The following PAFAH1B2 variants were observed in gnomAD, a reference collection of about 807,000 sequenced individuals.
PAFAH1B2 encodes platelet-activating factor acetylhydrolase IB subunit alpha2.
Under a neutral mutation model 28.0 loss-of-function variants are expected in PAFAH1B2, and 8 were observed. The ratio of observed to expected loss-of-function variants is 0.29; its 90% CI spans 0.17 to 0.52. PAFAH1B2 has a LOEUF of 0.52. PAFAH1B2 is among the 20% of genes least tolerant of loss of function. PAFAH1B2 has a pLI of 0.97. For synonymous variants in PAFAH1B2, 104 were observed against 103.2 expected, an observed-to-expected ratio of 1.01 and a Z score of -0.05; for missense variants, 190 against 282.6, an observed-to-expected ratio of 0.67 and a Z score of 2.35.
intron 3 of PAFAH1B2, 66 bp from the exon 4 acceptor site, chr11:117,161,079 T>C (rs982238964): frequency 3.0e-5 from 29 of 959,072 alleles, no homozygotes; most frequent in South Asian, 3.0e-4. Context: ...TTGCAACACA[T>C]TGCAGTCGAA....
intron 5 of PAFAH1B2, among the ~76,000 whole-genome samples, chr11:117,165,249 G>A (rs1956479631): frequency 6.6e-6 from 1 of 150,954 alleles, no homozygotes; most frequent in African/African-American, 2.4e-5. Context: ...ATCACGCCTG[G>A]CTGAAGCAGA....
chr11:117,155,488 G>A (rs1956237657), intron 2 of PAFAH1B2, among the ~76,000 whole-genome samples: 1 of 152,074 alleles, frequency 6.6e-6, no homozygotes, highest in Admixed American at 6.6e-5. Context: ...TTTCCAAAAA[G>A]TGTAAATTAA....
At chr11:117,176,423 T>C (rs2029987952) in exon 6 of PAFAH1B2, 1 of 215,060 alleles carries the variant, frequency 4.6e-6, no homozygotes, top group Non-Finnish European at 9.3e-6. Context: ...TAAGGTAAAA[T>C]AGTCTTCATT....
chr11:117,167,142 G>T (rs1224081193), intron 5 of PAFAH1B2, among the ~76,000 whole-genome samples: 2 of 152,046 alleles, frequency 1.3e-5, no homozygotes, highest in African/African-American at 4.8e-5. Context: ...ATGTAATTCT[G>T]AAGCTCTAGG....
At chr11:117,171,528 T>C, downstream of PAFAH1B2, 3 of 572,506 alleles carry the variant, frequency 5.2e-6, no homozygotes, top group Non-Finnish European at 9.5e-6. Flanking sequence ...AGAGCGAGAC[T>C]CTTGTCTCGG....
chr11:117,174,167 TGTG>T (rs1956730734), downstream of PAFAH1B2, among the ~76,000 whole-genome samples: 17 of 74,486 alleles, frequency 2.3e-4, no homozygotes, highest in African/African-American at 1.6e-3. Context: ...ATGTCTTTTG[TGTG>T]TGTGTGTGTG....
intron 1 of PAFAH1B2, among the ~76,000 whole-genome samples, chr11:117,150,671 T>C (rs559953816): frequency 3.0e-4 from 45 of 152,242 alleles, no homozygotes; most frequent in Non-Finnish European, 5.6e-4. Flanking sequence ...ATATGTATAT[T>C]GAATGAATAT....
chr11:117,166,370 C>T (rs1310680272), intron 5 of PAFAH1B2, among the ~76,000 whole-genome samples: 1 of 152,162 alleles, frequency 6.6e-6, no homozygotes, highest in Non-Finnish European at 1.5e-5. Flanking sequence ...CTCAATAAGC[C>T]TTCCATATTC....
chr11:117,145,182 A>T (rs1258003020), intron 1 of PAFAH1B2, among the ~76,000 whole-genome samples: 1 of 151,602 alleles, frequency 6.6e-6, no homozygotes, highest in Non-Finnish European at 1.5e-5. Context: ...GTTTGGGGGG[A>T]TGTTTTTTTC....
chr11:117,161,247 A>G lies in PAFAH1B2; in HGVS notation c.274A>G (p.Asn92Asp). 1 of 1,556,470 alleles carries G rather than the reference A, an allele frequency of 6.4e-7. No homozygotes were observed. Among genetic ancestry groups the G allele is most frequent in the Non-Finnish European group, 8.7e-7 (1 of 1,148,900 alleles). Residue 92 changes from asparagine (N) to aspartate (D), a missense_variant, in exon 4 of 6, where the codon AAT becomes GAT. By Grantham distance (23) the Asn-to-Asp change is conservative (BLOSUM62 1). Coordinates refer to ENST00000527958, the MANE Select transcript of PAFAH1B2 (RefSeq NM_002572.4). ...LWRLKNGELENIKPKVIVVWV... is the reference protein window; with the variant it reads ...LWRLKNGELEDIKPKVIVVWV... ...GAGACTAAAGAATGGAGAACTGGAGAATATTAAGCCTAAGGTGAAATGAAA... is the reference window on the plus strand; with the variant it reads ...GAGACTAAAGAATGGAGAACTGGAGGATATTAAGCCTAAGGTGAAATGAAA...
chr11:117,149,433 T>TTTTTTTTTGTTTTTTTG lies in PAFAH1B2; in HGVS notation c.-7-3000_-7-2999insGTTTTTTTGTTTTTTTT, dbSNP rs1205005410. On this transcript the variant is annotated intron_variant, in intron 1 of 5. Transcript: ENST00000527958. ...ATTTAAAAAAAGTTTTCTAATCGTT[T>TTTTTTTTTGTTTTTTTG]TTTTTTTTTTTGAGATGGAGTCTCG... Among the ~76,000 whole-genome samples, 16 of 113,018 alleles carry TTTTTTTTTGTTTTTTTG rather than the reference T, an allele frequency of 1.4e-4. 2 individuals are homozygous for TTTTTTTTTGTTTTTTTG. Among genetic ancestry groups the TTTTTTTTTGTTTTTTTG allele is most frequent in the African/African-American group, 4.9e-4 (15 of 30,374 alleles). 74.1% of individuals were successfully genotyped at this position (113,018 alleles called of 152,430 possible). A position where few individuals can be genotyped will look rare whatever the true frequency, so the allele number is the denominator to read the frequency against.
downstream of PAFAH1B2, among the ~76,000 whole-genome samples, chr11:117,177,776 T>G (rs964788694): frequency 6.6e-6 from 1 of 152,272 alleles, no homozygotes; most frequent in Admixed American, 6.5e-5. Context: ...CCTCAAGTGA[T>G]CTACCTGTCT....
rs778930747 is a variant in PAFAH1B2 at position 117,167,576 on chromosome 11, C to T, written c.567C>T (p.His189=). The T allele has an allele frequency of 9.3e-6, 15 of 1,612,688 alleles. No homozygotes were observed. In the South Asian group the frequency reaches 9.9e-5, roughly 11 times the overall value. Reference sequence around the variant, plus strand: ...ACTCGGACGGTGCCATCTCCTGCCACGACATGTTTGATTTTCTGCATCTGA... The same window carrying T: ...ACTCGGACGGTGCCATCTCCTGCCATGACATGTTTGATTTTCTGCATCTGA... ...FVHSDGAISC[H]DMFDFLHLTG... is the part of the protein sequence containing the mutation. The change falls in exon 6 of 6, where the codon CAC becomes CAT. Residue 189 remains histidine, a synonymous_variant. Coordinates refer to ENST00000527958, the MANE Select transcript of PAFAH1B2 (RefSeq NM_002572.4).
chr11:117,163,565 C>T (rs963887488), intron 4 of PAFAH1B2, among the ~76,000 whole-genome samples: 10 of 151,448 alleles, frequency 6.6e-5, no homozygotes, highest in Admixed American at 2.6e-4. Context: ...CCCAGCTACT[C>T]GGGAGGCTGA....
intron 1 of PAFAH1B2, among the ~76,000 whole-genome samples, chr11:117,147,138 A>G (rs1018320581): frequency 2.0e-5 from 3 of 152,056 alleles, no homozygotes; most frequent in African/African-American, 7.2e-5. Flanking sequence ...GCATGGTGGC[A>G]GGCACCTGTA....
In PAFAH1B2 at chr11:117,169,730, T is replaced by G. The variant is rs1003939231; in HGVS notation, c.*2031T>G. Reference sequence around the variant, plus strand: ...ATTTTTAGTAGCCCAGGTTGAGTTTTTCACAAGAGATTTTTTTCTTAGCTG... The same window carrying G: ...ATTTTTAGTAGCCCAGGTTGAGTTTGTCACAAGAGATTTTTTTCTTAGCTG... On this transcript the variant is annotated 3_prime_UTR_variant, in exon 6 of 6. Transcript: ENST00000527958. 2 of 1,058,228 alleles carry G rather than the reference T, an allele frequency of 1.9e-6. No individual in the cohort carries two copies. The highest frequency in any genetic ancestry group is 3.3e-5 in the African/African-American group (2 of 60,652). 65.6% of individuals were successfully genotyped at this position (1,058,228 alleles called of 1,614,324 possible).
chr11:117,151,699 T>G (rs1322483632), intron 1 of PAFAH1B2, among the ~76,000 whole-genome samples: 3 of 152,042 alleles, frequency 2.0e-5, no homozygotes, highest in African/African-American at 7.2e-5. Context: ...CAGTAGTAAT[T>G]CTGTAAGTGT....
chr11:117,148,198 T>C (rs1035650338), intron 1 of PAFAH1B2, among the ~76,000 whole-genome samples: 3 of 151,858 alleles, frequency 2.0e-5, no homozygotes, highest in African/African-American at 4.8e-5. Context: ...ATTACAAGTA[T>C]GTGCCACCCA....
Position 117,144,311 on chromosome 11 carries a change from G to C in PAFAH1B2, c.-115G>C. The C allele has an allele frequency of 5.0e-6, 2 of 396,452 alleles. No homozygotes were observed. Among genetic ancestry groups the C allele is most frequent in the South Asian group, 1.7e-5 (1 of 59,464 alleles). 24.6% of individuals were successfully genotyped at this position (396,452 alleles called of 1,614,324 possible). A position where few individuals can be genotyped will look rare whatever the true frequency, so the allele number is the denominator to read the frequency against. On this transcript the variant is annotated 5_prime_UTR_variant, in exon 1 of 6. Transcript: ENST00000527958. The stretch of plus-strand genomic sequence containing the variant: ...TGGAGGAGCTGCTGCTGGTGCTGGG[G>C]CCGGAGGAGGGACGCGCCGGAGCGG...
Sources: allele counts gnomAD v4.1 joint callset (sites outside exome capture counted in the v4.1 genomes callset), GRCh38; gene constraint gnomAD v4.1.1; transcripts MANE v1.5; gene names NCBI Gene and HGNC (gene_info 2026-07-23, HGNC 2026-07-21).